DOCK5: variants seen among roughly 807,000 people sequenced by gnomAD.
DOCK5 encodes the protein dedicator of cytokinesis protein 5.
A neutral mutation model predicts 251.8 loss-of-function variants in DOCK5; 142 were observed. The observed-to-expected ratio is 0.56, with a 90% CI of 0.49 to 0.65. The LOEUF is 0.65. DOCK5 is among the 30% of genes least tolerant of loss of function. DOCK5 has a pLI of 0.00. For synonymous variants in DOCK5, 842 were observed against 835.5 expected (o/e 1.01, Z -0.13); for missense variants, 2,111 against 2,312.3 (o/e 0.91, Z 1.79).
intron 1 of DOCK5, among the ~76,000 whole-genome samples, chr8:25,237,291 C>T (rs2117533053): frequency 6.6e-6 from 1 of 152,116 alleles, no homozygotes; most frequent in South Asian, 2.1e-4. Context: ...ATCACCAGAG[C>T]CTAGGGAGGT....
chr8:25,246,493 C>A (rs924745376), intron 2 of DOCK5, among the ~76,000 whole-genome samples: 1 of 152,056 alleles, frequency 6.6e-6, no homozygotes, highest in East Asian at 1.9e-4. Flanking sequence ...AGGCTGGTCT[C>A]GTGGCCAACT....
At chr8:25,372,841 G>A (rs1265260224) in intron 35 of DOCK5, 123 bp downstream of exon 35, 7 of 882,184 alleles carry the variant, frequency 7.9e-6, no homozygotes, top group Non-Finnish European at 1.0e-5. Flanking sequence ...TGGAGCCGGT[G>A]TCTTCCTAAG....
rs1459980969 is a variant in DOCK5 at position 25,334,109 on chromosome 8, C to T, written c.2105C>T (p.Ser702Leu). Residue 702 changes from serine (S) to leucine (L), a missense_variant, in exon 21 of 52, where the codon TCA becomes TTA. By Grantham distance (145) the Ser-to-Leu change is moderately radical. Around this residue, in one of 3 missense-constraint regions of DOCK5, gnomAD observed 1,717 missense variants for 1,892.4 expected, o/e 0.91. Coordinates refer to ENST00000276440, the MANE Select transcript of DOCK5 (RefSeq NM_024940.8). Reference sequence around the variant, plus strand: ...CACTTTTGGCAGGTATTTATTATTTCACTGATAGGAGACATCAAGTTCCAG... The same window carrying T: ...CACTTTTGGCAGGTATTTATTATTTTACTGATAGGAGACATCAAGTTCCAG... ...LVFDALVFII[S>L]LIGDIKFQHF... 1.9e-6 allele frequency: 3 copies of T among 1,613,486 alleles called. No homozygotes were observed. Among genetic ancestry groups the T allele is most frequent in the Non-Finnish European group, 2.5e-6 (3 of 1,179,552 alleles).
intron 42 of DOCK5, 60 bp downstream of exon 42, chr8:25,390,347 C>A: frequency 7.1e-7 from 1 of 1,408,078 alleles, no homozygotes; most frequent in South Asian, 1.3e-5. Context: ...TGGCTCACAT[C>A]TATAATCTCA....
At chr8:25,362,610 G>T (rs1403866086) in intron 28 of DOCK5, among the ~76,000 whole-genome samples, 1 of 151,716 alleles carries the variant, frequency 6.6e-6, no homozygotes, top group Non-Finnish European at 1.5e-5. Context: ...GGGACTACAG[G>T]CATACACCAC....
Position 25,359,025 on chromosome 8 carries a change from C to T in DOCK5, c.2913C>T (p.His971=), listed in dbSNP as rs756617014. 3.1e-6 allele frequency: 5 copies of T among 1,613,932 alleles called. No individual in the cohort carries two copies. The highest frequency in any genetic ancestry group is 3.4e-6 in the Non-Finnish European group (4 of 1,179,902). The change falls in exon 28 of 52, where the codon CAC becomes CAT. Residue 971 remains histidine (H), a synonymous_variant. Coordinates refer to ENST00000276440, the MANE Select transcript of DOCK5 (RefSeq NM_024940.8). ...LQQMDDSHYS[H]YISTFKTRQD... is the part of the protein sequence containing the mutation. The stretch of plus-strand genomic sequence containing the variant: ...AAATGGACGACAGCCACTATAGCCA[C>T]TACATCAGCACTTTCAAAACCAGAC...
At chr8:25,330,417 A>C (rs6557835) in intron 18 of DOCK5, among the ~76,000 whole-genome samples, 8,498 of 152,306 alleles carry the variant, frequency 0.056, 712 homozygotes, top group African/African-American at 0.19. Context: ...GGAGATACCA[A>C]GTACATCTTA....
intron 10 of DOCK5, 57 bp downstream of exon 10, chr8:25,302,511 T>C (rs1246532025): frequency 1.1e-5 from 15 of 1,428,010 alleles, no homozygotes; most frequent in Non-Finnish European, 1.3e-5. Flanking sequence ...GAAAATAGCA[T>C]GGCGATTTCT....
intron 1 of DOCK5, among the ~76,000 whole-genome samples, chr8:25,242,004 G>C (rs111767055): frequency 0.014 from 2,194 of 152,126 alleles, 61 homozygotes; most frequent in African/African-American, 0.05. Context: ...GGCCTTTTGG[G>C]GGGTGGGGGT....
intron 7 of DOCK5, among the ~76,000 whole-genome samples, chr8:25,298,372 T>A (rs933099854): frequency 1.3e-5 from 2 of 152,176 alleles, no homozygotes; most frequent in African/African-American, 2.4e-5. Flanking sequence ...TCAGAAGCTA[T>A]TGTGTAAGAC....
At chr8:25,315,610 T>A (rs1282450430) in intron 13 of DOCK5, among the ~76,000 whole-genome samples, 1 of 152,268 alleles carries the variant, frequency 6.6e-6, no homozygotes, top group Non-Finnish European at 1.5e-5. Flanking sequence ...AAATCGAGAC[T>A]GTTTCCATGT....
At chr8:25,354,048 ACAAAC>A (rs142023695) in intron 27 of DOCK5, among the ~76,000 whole-genome samples, 4,276 of 35,564 alleles carry the variant, frequency 0.12, 1,246 homozygotes, top group Middle Eastern at 0.28. Flanking sequence ...AAAAAAAAAA[ACAAAC>A]AAAAAAAAAA....
At chr8:25,192,359 A>G (rs560567539) in intron 1 of DOCK5, among the ~76,000 whole-genome samples, 1 of 152,308 alleles carries the variant, frequency 6.6e-6, no homozygotes, top group Admixed American at 6.5e-5. Context: ...GTCTTCCACA[A>G]TGGTTGAACT....
At chr8:25,206,339 G>A (rs1284484788) in intron 1 of DOCK5, among the ~76,000 whole-genome samples, 1 of 152,134 alleles carries the variant, frequency 6.6e-6, no homozygotes, top group Non-Finnish European at 1.5e-5. Context: ...CTGCAATAGT[G>A]TGCTGGTAAA....
Position 25,411,349 on chromosome 8 carries a change from G to A in DOCK5, c.*51G>A. The A allele has an allele frequency of 7.2e-7, 1 of 1,383,390 alleles. No individual in the cohort carries two copies. Among genetic ancestry groups the A allele is most frequent in the Non-Finnish European group, 9.4e-7 (1 of 1,064,842 alleles). The allele number at this position is 1,383,390 out of a possible 1,614,324, so 85.7% of individuals were successfully genotyped here. ...AGTGCCTTAGACAGCTGCTGCCTGA[G>A]AACTGGCCTCCAGCCGGTGTCCTCA... is the stretch of plus-strand genomic sequence containing the variant. On this transcript the variant is annotated 3_prime_UTR_variant, in exon 52 of 52. Transcript: ENST00000276440.
chr8:25,368,948 C>T (rs1013562131), intron 33 of DOCK5, among the ~76,000 whole-genome samples: 14 of 152,192 alleles, frequency 9.2e-5, no homozygotes, highest in African/African-American at 3.1e-4. Flanking sequence ...TAAGGCAACA[C>T]CTGTCTGTAG....
chr8:25,200,321 C>T (rs936039408), intron 1 of DOCK5, among the ~76,000 whole-genome samples: 5 of 152,196 alleles, frequency 3.3e-5, no homozygotes, highest in Non-Finnish European at 5.9e-5. Flanking sequence ...CAAGGTTATT[C>T]ATTATAGCAT....
chr8:25,260,760 GT>G (rs1803554962), intron 2 of DOCK5, among the ~76,000 whole-genome samples: 1 of 151,578 alleles, frequency 6.6e-6, no homozygotes, highest in South Asian at 2.1e-4. Context: ...CAGCCTAAAT[GT>G]ACATCCTCAG....
chr8:25,374,437 G>T, intron 36 of DOCK5, 127 bp from the exon 37 acceptor site: 3 of 887,256 alleles, frequency 3.4e-6, no homozygotes, highest in Non-Finnish European at 5.2e-6. Context: ...TAAGGCTGCA[G>T]TGAGCCATGA....
Sources: allele counts gnomAD v4.1 joint callset (sites outside exome capture counted in the v4.1 genomes callset), GRCh38; gene constraint gnomAD v4.1.1; regional missense constraint gnomAD v4.1.1; transcripts MANE v1.5; gene names NCBI Gene and HGNC (gene_info 2026-07-23, HGNC 2026-07-21).